The following RTCB variants were observed in gnomAD, a reference collection of about 807,000 sequenced individuals.
RTCB encodes the protein RNA-splicing ligase RTCB.
RTCB carries 32 observed loss-of-function variants against 58.2 expected under a neutral mutation model. The observed-to-expected ratio is 0.55, with a 90% CI of 0.41 to 0.74. The LOEUF (loss-of-function observed/expected upper bound fraction) is 0.74, where lower values mean the gene tolerates loss of function less well. Ranked by LOEUF, RTCB falls within the 30% of genes least tolerant of loss-of-function variation. RTCB has a pLI of 0.00. For missense variants in RTCB, 523 were observed against 639.0 expected (o/e 0.82, Z 1.96); for synonymous variants, 247 against 218.6 (o/e 1.13, Z -1.15).
chr22:32,393,925 C>A lies in RTCB; in HGVS notation c.1257G>T (p.Met419Ile). 6.2e-7 allele frequency: 1 copy of A among 1,614,070 alleles called. No individual in the cohort carries two copies. The change falls in exon 10 of 12, where the codon ATG becomes ATT. Residue 419 changes from methionine (M) to isoleucine (I), a missense_variant. Physicochemically the swap from Met to Ile is conservative, Grantham distance 10. Transcript: ENST00000216038. ...GACAGGTTGTTCCAAAGGTCTCAGT[C>A]ATGCCCTGTTCAGTGCCAGTAAGAA... Reference protein sequence around the residue: ...SYVLTGTEQGMTETFGTTCHG... With the variant: ...SYVLTGTEQGITETFGTTCHG...
chr22:32,401,273 TTA>T (rs1409198418), intron 5 of RTCB, among the ~76,000 whole-genome samples: 1 of 151,758 alleles, frequency 6.6e-6, no homozygotes, highest in Admixed American at 6.6e-5. Flanking sequence ...TTTTTTTTTT[TTA>T]GAGACGAGAT....
Position 32,412,213 on chromosome 22 carries a change from T to C in RTCB, c.-57A>G. 10 of 1,433,274 alleles carry C rather than the reference T, an allele frequency of 7.0e-6. No individual in the cohort carries two copies. The highest frequency in any genetic ancestry group is 8.6e-6 in the Non-Finnish European group (9 of 1,042,490). 88.8% of individuals were successfully genotyped at this position (1,433,274 alleles called of 1,614,324 possible). On this transcript the variant is annotated 5_prime_UTR_variant, in exon 1 of 12. Coordinates refer to ENST00000216038, the MANE Select transcript of RTCB (RefSeq NM_014306.5). Reference sequence around the variant, plus strand: ...TCCGCTTTGAAGAGCCGCTGCCGCGTAGTCCGGCTTCTCAGAGCACCGCCT... The same window carrying C: ...TCCGCTTTGAAGAGCCGCTGCCGCGCAGTCCGGCTTCTCAGAGCACCGCCT...
At chr22:32,388,425 CAT>C (rs1301985481) in intron 11 of RTCB, among the ~76,000 whole-genome samples, 3 of 152,100 alleles carry the variant, frequency 2.0e-5, no homozygotes, top group African/African-American at 4.8e-5. Context: ...ACCCAACCAT[CAT>C]ATGTTAGTGA....
intron 4 of RTCB, among the ~76,000 whole-genome samples, chr22:32,404,735 G>C (rs1040265070): frequency 1.3e-5 from 2 of 152,102 alleles, no homozygotes; most frequent in Non-Finnish European, 2.9e-5. Flanking sequence ...CTGGACTGCA[G>C]TGGCGCAATC....
rs1418539271 is a variant in RTCB at position 32,387,773 on chromosome 22, C to T, written c.*219G>A. 4.1e-6 allele frequency: 2 copies of T among 489,470 alleles called. No homozygotes were observed. Among genetic ancestry groups the T allele is most frequent in the Non-Finnish European group, 7.4e-6 (2 of 270,624 alleles). 30.3% of individuals were successfully genotyped at this position (489,470 alleles called of 1,614,324 possible). A position where few individuals can be genotyped will look rare whatever the true frequency, so the allele number is the denominator to read the frequency against. ...CAACCAAGGAGAAGGCATATTCCTC[C>T]CTTTCCAAAGGTGGGCAATGTGCCT... On this transcript the variant is annotated 3_prime_UTR_variant, in exon 12 of 12. Coordinates refer to ENST00000216038, the MANE Select transcript of RTCB (RefSeq NM_014306.5).
At chr22:32,398,190 C>T in intron 6 of RTCB, 90 bp from the exon 7 acceptor site, 1 of 1,407,660 alleles carries the variant, frequency 7.1e-7, no homozygotes, top group South Asian at 1.3e-5. Flanking sequence ...AACAAACTAA[C>T]AACAAAATAA....
At position 32,398,414 on chromosome 22, in the gene RTCB, T is replaced by C. The variant is rs559947601; in HGVS notation, c.655-314A>G. Among the ~76,000 whole-genome samples, 3 of 152,038 alleles carry C rather than the reference T, an allele frequency of 2.0e-5. No homozygotes were observed. The East Asian group carries it at 5.8e-4, about 30-fold the overall frequency. ...GTGGGAGCTGAACAATGAGAACACA[T>C]GGACACAGGGAGGGGAACATCACAT... On this transcript the variant is annotated intron_variant, in intron 6 of 11. Coordinates refer to ENST00000216038, the MANE Select transcript of RTCB (RefSeq NM_014306.5).
intron 11 of RTCB, among the ~76,000 whole-genome samples, chr22:32,391,831 A>G (rs1378327958): frequency 6.6e-6 from 1 of 152,360 alleles, no homozygotes; most frequent in East Asian, 1.9e-4. Context: ...GTAAACATAT[A>G]TACAGAATTT....
At chr22:32,402,574 C>G (rs1265163218) in intron 4 of RTCB, among the ~76,000 whole-genome samples, 1 of 131,544 alleles carries the variant, frequency 7.6e-6, no homozygotes, top group African/African-American at 2.7e-5. Context: ...CTCAGCCTCC[C>G]GAATAGCTGA....
chr22:32,403,159 C>A (rs905886488), intron 4 of RTCB, among the ~76,000 whole-genome samples: 1 of 152,060 alleles, frequency 6.6e-6, no homozygotes, highest in Non-Finnish European at 1.5e-5. Context: ...GTAATCCCAG[C>A]ACTTTGGGAG....
intron 11 of RTCB, among the ~76,000 whole-genome samples, chr22:32,390,141 C>A (rs1052493637): frequency 5.9e-5 from 9 of 152,200 alleles, no homozygotes; most frequent in Non-Finnish European, 1.2e-4. Context: ...TCCTTACCAC[C>A]TTTCCCTGCT....
intron 8 of RTCB, among the ~76,000 whole-genome samples, 154 bp from the exon 9 acceptor site, chr22:32,395,368 G>C (rs8141075): frequency 0.036 from 5,506 of 152,248 alleles, 128 homozygotes; most frequent in Middle Eastern, 0.082. Flanking sequence ...TCACGTAAAG[G>C]ACAAAAGCTG....
intron 1 of RTCB, among the ~76,000 whole-genome samples, chr22:32,409,266 G>A (rs1316484976): frequency 6.6e-6 from 1 of 151,750 alleles, no homozygotes; most frequent in Non-Finnish European, 1.5e-5. Flanking sequence ...ATCTAACCTA[G>A]TATGTTTATT....
chr22:32,389,202 A>G (rs183357384), intron 11 of RTCB, among the ~76,000 whole-genome samples: 28 of 152,324 alleles, frequency 1.8e-4, no homozygotes, highest in Non-Finnish European at 2.9e-5. Flanking sequence ...AGCTCCTGGC[A>G]ATCAGATGAA....
Position 32,399,485 on chromosome 22 carries a change from A to G in RTCB, c.654+118T>C, listed in dbSNP as rs1467488610. The stretch of plus-strand genomic sequence containing the variant: ...AGCATAAACAAATTTGTATTTTTTG[A>G]TATACCATAAAAAAACCTGGGAATA... On this transcript the variant is annotated intron_variant, in intron 6 of 11. Coordinates refer to ENST00000216038, the MANE Select transcript of RTCB (RefSeq NM_014306.5). 5.2e-6 allele frequency: 5 copies of G among 956,260 alleles called. No homozygotes were observed. The Admixed American group carries it at 1.0e-4, about 20-fold the overall frequency. 59.2% of individuals were successfully genotyped at this position (956,260 alleles called of 1,614,324 possible). A position where few individuals can be genotyped will look rare whatever the true frequency, so the allele number is the denominator to read the frequency against.
intron 4 of RTCB, among the ~76,000 whole-genome samples, chr22:32,406,154 C>T (rs1482406771): frequency 2.0e-5 from 3 of 152,104 alleles, no homozygotes; most frequent in Non-Finnish European, 2.9e-5. Flanking sequence ...AGGAGCCTCC[C>T]AAAATTTTCA....
chr22:32,401,912 T>G lies in RTCB; in HGVS notation c.341-9A>C. On this transcript the variant is annotated splice_polypyrimidine_tract_variant and intron_variant, in intron 4 of 11. Coordinates refer to ENST00000216038, the MANE Select transcript of RTCB (RefSeq NM_014306.5). Reference sequence around the variant, plus strand: ...GTCAAACCCGACACCACCTACAAAATAGAGAAAAGTTAGCAAAACCAGCTG... The same window carrying G: ...GTCAAACCCGACACCACCTACAAAAGAGAGAAAAGTTAGCAAAACCAGCTG... The G allele has an allele frequency of 6.2e-7, 1 of 1,612,280 alleles. No homozygotes were observed. The highest frequency in any genetic ancestry group is 8.5e-7 in the Non-Finnish European group (1 of 1,178,546).
intron 7 of RTCB, among the ~76,000 whole-genome samples, chr22:32,396,827 T>C (rs1043501743): frequency 6.6e-6 from 1 of 152,202 alleles, no homozygotes; most frequent in Non-Finnish European, 1.5e-5. Context: ...TGATTCGCTG[T>C]TGGAGGCCGA....
chr22:32,390,292 G>T (rs1431019665), intron 11 of RTCB, among the ~76,000 whole-genome samples: 1 of 152,204 alleles, frequency 6.6e-6, no homozygotes, highest in African/African-American at 2.4e-5. Context: ...ATAGCGGATG[G>T]TTAGTACGTG....
Sources: gnomAD v4.1 joint callset for allele counts (sites outside exome capture counted in the v4.1 genomes callset) on GRCh38, gnomAD v4.1.1 for gene constraint, MANE v1.5 for transcripts, NCBI Gene and HGNC (gene_info 2026-07-23, HGNC 2026-07-21) for gene names.